The following LIPH variants were observed in gnomAD, a reference collection of about 807,000 sequenced individuals.
LIPH encodes the protein lipase member H.
In LIPH, 32 loss-of-function variants were observed where a neutral mutation model predicts 47.6. The ratio of observed to expected loss-of-function variants is 0.67; its 90% CI spans 0.51 to 0.90. The LOEUF is 0.90. LIPH is among the 40% of genes least tolerant of loss of function. LIPH has a pLI of 0.00. For synonymous variants in LIPH, 190 were observed against 195.6 expected (o/e 0.97, Z 0.24); for missense variants, 497 against 541.4 (o/e 0.92, Z 0.81).
At position 185,552,486 on chromosome 3, in the gene LIPH, G is replaced by T; in HGVS notation, c.-15C>A. ...AATCTCAACATATGGAAACTGGAGA[G>T]ATCGTGTGTCACATTCACAAGAATG... On this transcript the variant is annotated 5_prime_UTR_variant, in exon 1 of 10. Transcript: ENST00000296252. 1 of 1,579,330 alleles carries T rather than the reference G, an allele frequency of 6.3e-7. No individual in the cohort carries two copies. The highest frequency in any genetic ancestry group is 8.7e-7 in the Non-Finnish European group (1 of 1,148,370).
chr3:185,517,167 G>C lies in LIPH; in HGVS notation c.887-5C>G. 1 of 1,509,680 alleles carries C rather than the reference G, an allele frequency of 6.6e-7. No homozygotes were observed. The highest frequency in any genetic ancestry group is 9.2e-7 in the Non-Finnish European group (1 of 1,085,016). The allele number at this position is 1,509,680 out of a possible 1,614,324, so 93.5% of individuals were successfully genotyped here. A position where few individuals can be genotyped will look rare whatever the true frequency, so the allele number is the denominator to read the frequency against. ...TCCAATTATCAGCATAATAGCCTAT[G>C]AAACAAGTTTAAAAAATTGTAAGAT... is the stretch of plus-strand genomic sequence containing the variant. On this transcript the variant is annotated splice_polypyrimidine_tract_variant and splice_region_variant and intron_variant, in intron 6 of 9. Coordinates refer to ENST00000296252, the MANE Select transcript of LIPH (RefSeq NM_139248.3).
Position 185,543,846 on chromosome 3 carries a change from C to CTTT in LIPH, c.49+8574_49+8576dup, listed in dbSNP as rs57080060. Among the ~76,000 whole-genome samples, 104 of 108,696 alleles carry CTTT rather than the reference C, an allele frequency of 9.6e-4. 3 individuals carry two copies. The highest frequency in any genetic ancestry group is 1.7e-3 in the African/African-American group (49 of 29,298). The allele number at this position is 108,696 out of a possible 152,430, so 71.3% of individuals were successfully genotyped here. ...TTTACCACTAGGTGACTGGCTCTTG[C>CTTT]TTTTTTTTTTTTTTTTTTTGATGCA... On this transcript the variant is annotated intron_variant, in intron 1 of 9. Coordinates refer to ENST00000296252, the MANE Select transcript of LIPH (RefSeq NM_139248.3).
rs901375686 is a variant in LIPH at position 185,518,136 on chromosome 3, G to A, written c.887-974C>T. On this transcript the variant is annotated intron_variant, in intron 6 of 9. Transcript: ENST00000296252. Reference sequence around the variant, plus strand: ...TCCTGTCCCCACAGGAGCAGGCTACGTAGAGTGACTGTACCCTGGGTAAGC... The same window carrying A: ...TCCTGTCCCCACAGGAGCAGGCTACATAGAGTGACTGTACCCTGGGTAAGC... Among the ~76,000 whole-genome samples the A allele has an allele frequency of 2.6e-5, 4 of 152,174 alleles. No homozygotes were observed. The South Asian group carries it at 6.2e-4, about 24-fold the overall frequency.
intron 1 of LIPH, among the ~76,000 whole-genome samples, chr3:185,544,373 G>A (rs1411589576): frequency 7.2e-6 from 1 of 139,066 alleles, no homozygotes; most frequent in East Asian, 3.0e-4. Flanking sequence ...TGTTTTTTGA[G>A]ATGGAGTTTC....
At chr3:185,534,099 T>C (rs973109126) in intron 2 of LIPH, among the ~76,000 whole-genome samples, 22 of 152,302 alleles carry the variant, frequency 1.4e-4, no homozygotes, top group African/African-American at 5.3e-4. Context: ...GGCTCACGCC[T>C]GTAATCCCAG....
chr3:185,537,530 A>T (rs1720539273), intron 1 of LIPH, among the ~76,000 whole-genome samples: 1 of 152,124 alleles, frequency 6.6e-6, no homozygotes, highest in South Asian at 2.1e-4. Flanking sequence ...TTGTAGAGCA[A>T]AACCCAGAGC....
intron 2 of LIPH, among the ~76,000 whole-genome samples, chr3:185,533,939 G>C (rs1560167096): frequency 1.3e-5 from 2 of 152,208 alleles, no homozygotes; most frequent in Non-Finnish European, 2.9e-5. Context: ...AAAATAGTCT[G>C]TCTGCTGGGC....
chr3:185,527,642 G>T, intron 3 of LIPH, 57 bp from the exon 4 acceptor site: 1 of 1,138,128 alleles, frequency 8.8e-7, no homozygotes, highest in Non-Finnish European at 1.3e-6. Context: ...CTGCAGCCGG[G>T]CCTTTGATCC....
chr3:185,532,697 G>A (rs1720371189), intron 3 of LIPH, among the ~76,000 whole-genome samples: 1 of 152,272 alleles, frequency 6.6e-6, no homozygotes, highest in Admixed American at 6.5e-5. Flanking sequence ...GGCTGAGGCA[G>A]GAGAATCGCT....
intron 1 of LIPH, among the ~76,000 whole-genome samples, chr3:185,542,945 C>T (rs1346377502): frequency 3.9e-5 from 6 of 152,046 alleles, no homozygotes; most frequent in African/African-American, 9.7e-5. Flanking sequence ...TGGTGTCTCA[C>T]GCCTGTAATA....
chr3:185,528,714 C>A (rs1206790543), intron 3 of LIPH, among the ~76,000 whole-genome samples: 1 of 152,144 alleles, frequency 6.6e-6, no homozygotes, highest in Non-Finnish European at 1.5e-5. Flanking sequence ...AAGTGGGTGT[C>A]AATCCCTGCA....
chr3:185,543,297 G>A (rs1042391725), intron 1 of LIPH, among the ~76,000 whole-genome samples: 3 of 152,258 alleles, frequency 2.0e-5, no homozygotes, highest in South Asian at 2.1e-4. Context: ...AGAAGGCTAT[G>A]ATGTGCCTTA....
At chr3:185,515,807 A>G (rs1719713651) in intron 7 of LIPH, among the ~76,000 whole-genome samples, 1 of 152,198 alleles carries the variant, frequency 6.6e-6, no homozygotes, top group South Asian at 2.1e-4. Flanking sequence ...CTGGGAATGC[A>G]GGCGTGAGCC....
intron 1 of LIPH, among the ~76,000 whole-genome samples, chr3:185,541,535 T>C (rs1351085361): frequency 6.6e-6 from 1 of 151,448 alleles, no homozygotes; most frequent in Non-Finnish European, 1.5e-5. Flanking sequence ...CCTGAAATTG[T>C]GTGAGACTAC....
At chr3:185,547,856 AAAGT>A (rs1560173846) in intron 1 of LIPH, among the ~76,000 whole-genome samples, 2 of 151,750 alleles carry the variant, frequency 1.3e-5, no homozygotes, top group South Asian at 4.2e-4. Context: ...AGAAAGAAAG[AAAGT>A]ATTTACTGAG....
chr3:185,544,257 C>T (rs1720799699), intron 1 of LIPH, among the ~76,000 whole-genome samples: 1 of 152,110 alleles, frequency 6.6e-6, no homozygotes, highest in Non-Finnish European at 1.5e-5. Flanking sequence ...TTGAACCATA[C>T]TCTTTCCTTC....
At chr3:185,521,832 T>C (rs536393294) in intron 5 of LIPH, among the ~76,000 whole-genome samples, 106 of 152,368 alleles carry the variant, frequency 7.0e-4, no homozygotes, top group African/African-American at 2.4e-3. Flanking sequence ...TGTAAAGTTC[T>C]GCATGCTCTG....
intron 5 of LIPH, among the ~76,000 whole-genome samples, chr3:185,523,640 C>T (rs964070730): frequency 6.6e-6 from 1 of 152,280 alleles, no homozygotes; most frequent in Non-Finnish European, 1.5e-5. Flanking sequence ...CTCCTGGGCT[C>T]AAGCAATCTT....
intron 3 of LIPH, among the ~76,000 whole-genome samples, chr3:185,532,772 AGAGT>A (rs1720374228): frequency 6.6e-6 from 1 of 152,302 alleles, no homozygotes; most frequent in East Asian, 1.9e-4. Flanking sequence ...CCTGGGTGAC[AGAGT>A]GAGACTCTTT....
Sources: allele counts gnomAD v4.1 joint callset (sites outside exome capture counted in the v4.1 genomes callset), GRCh38; gene constraint gnomAD v4.1.1; transcripts MANE v1.5; gene names NCBI Gene and HGNC (gene_info 2026-07-23, HGNC 2026-07-21).